The following FBXO11 variants were observed in gnomAD, a reference collection of about 807,000 sequenced individuals.
FBXO11 encodes F-box protein 11, also known as F-box only protein 11.
A neutral mutation model predicts 117.0 loss-of-function variants in FBXO11; 13 were observed. The observed-to-expected ratio is 0.11, with a 90% CI of 0.07 to 0.18. The LOEUF is 0.18. Among genes scored for constraint, FBXO11 ranks in the 10% least tolerant of loss-of-function variants. FBXO11 has a pLI of 1.00. For missense variants in FBXO11, 767 were observed against 1,164.4 expected (o/e 0.66, Z 4.97); for synonymous variants, 490 against 380.5 (o/e 1.29, Z -3.35).
At chr2:47,810,465 A>AT (rs1337650676) in intron 18 of FBXO11, 39 bp from the exon 19 acceptor site, 1 of 1,279,464 alleles carries the variant, frequency 7.8e-7, no homozygotes, top group Non-Finnish European at 1.1e-6. Context: ...GCTAATGCAT[A>AT]TAACAGACTA....
Position 47,832,888 on chromosome 2 carries a change from G to A in FBXO11, c.1042-8C>T. On this transcript the variant is annotated splice_polypyrimidine_tract_variant and splice_region_variant and intron_variant, in intron 8 of 22. Transcript: ENST00000403359. Reference sequence around the variant, plus strand: ...TTTGTCATCAGGGTTAAACTGAAAAGTAAAAATTTTGTTTGAAATAAACAA... The same window carrying A: ...TTTGTCATCAGGGTTAAACTGAAAAATAAAAATTTTGTTTGAAATAAACAA... The A allele has an allele frequency of 1.9e-6, 3 of 1,612,572 alleles. No individual in the cohort carries two copies. The African/African-American group carries it at 4.0e-5, about 21-fold the overall frequency.
intron 1 of FBXO11, among the ~76,000 whole-genome samples, chr2:47,843,771 T>A (rs957039339): frequency 7.9e-5 from 12 of 152,042 alleles, no homozygotes; most frequent in Non-Finnish European, 5.9e-5. Context: ...AGATGAGTCT[T>A]GCTCTGTTGC....
At chr2:47,808,887 G>C in intron 21 of FBXO11, 1 of 319,606 alleles carries the variant, frequency 3.1e-6, no homozygotes, top group East Asian at 5.9e-5. Flanking sequence ...TGTAGAGACA[G>C]GGTCTCCCTA....
At chr2:47,844,394 G>C (rs1411935925) in intron 1 of FBXO11, among the ~76,000 whole-genome samples, 1 of 152,054 alleles carries the variant, frequency 6.6e-6, no homozygotes, top group East Asian at 1.9e-4. Context: ...CACATGCCTG[G>C]GTCTTTGTTT....
intron 1 of FBXO11, among the ~76,000 whole-genome samples, chr2:47,866,100 T>C (rs189221478): frequency 3.3e-5 from 5 of 150,998 alleles, no homozygotes; most frequent in Middle Eastern, 6.8e-3. Flanking sequence ...CGAAAAAAAA[T>C]TGGCTGGGCA....
intron 5 of FBXO11, among the ~76,000 whole-genome samples, chr2:47,835,545 C>A (rs769006896): frequency 2.6e-5 from 4 of 152,102 alleles, no homozygotes; most frequent in Non-Finnish European, 5.9e-5. Context: ...GTCGCCCAGG[C>A]TGGAGTGCAG....
intron 11 of FBXO11, among the ~76,000 whole-genome samples, chr2:47,823,849 A>ATT (rs565340406): frequency 1.4e-5 from 2 of 147,570 alleles, no homozygotes; most frequent in Admixed American, 6.8e-5. Flanking sequence ...AAATGTTTTA[A>ATT]TTTTTTTTTT....
chr2:47,807,292 A>C lies in FBXO11; in HGVS notation c.*826T>G, dbSNP rs1670282426. ...AGACTTTCTAAAGTGTACTTAAAACATAGTAGTTTTTTACCTTTCACAAAA... is the reference window on the plus strand; with the variant it reads ...AGACTTTCTAAAGTGTACTTAAAACCTAGTAGTTTTTTACCTTTCACAAAA... On this transcript the variant is annotated 3_prime_UTR_variant, in exon 23 of 23. Coordinates refer to ENST00000403359, the MANE Select transcript of FBXO11 (RefSeq NM_001190274.2). The C allele has an allele frequency of 9.1e-6, 2 of 218,608 alleles. No homozygotes were observed. The highest frequency in any genetic ancestry group is 1.1e-4 in the Admixed American group (2 of 17,672). 13.5% of individuals were successfully genotyped at this position (218,608 alleles called of 1,614,324 possible).
At chr2:47,870,881 G>A (rs913155406) in intron 1 of FBXO11, among the ~76,000 whole-genome samples, 2 of 152,102 alleles carry the variant, frequency 1.3e-5, no homozygotes, top group Admixed American at 6.5e-5. Context: ...ATCCCTTTAT[G>A]AAACTCTTAC....
At chr2:47,812,456 T>C (rs142599366) in intron 18 of FBXO11, among the ~76,000 whole-genome samples, 35 of 152,328 alleles carry the variant, frequency 2.3e-4, no homozygotes, top group African/African-American at 8.4e-4. Flanking sequence ...AAATAAACCA[T>C]TCTGTATTGT....
chr2:47,836,983 C>A, intron 4 of FBXO11: 1 of 359,378 alleles, frequency 2.8e-6, no homozygotes, highest in Non-Finnish European at 5.4e-6. Flanking sequence ...AGTAATCTGC[C>A]CACTTCAGCC....
chr2:47,838,525 T>C (rs111840935), intron 4 of FBXO11, among the ~76,000 whole-genome samples: 4 of 150,968 alleles, frequency 2.6e-5, no homozygotes, highest in African/African-American at 9.9e-5. Flanking sequence ...AAAAGTGATA[T>C]ATAAAACCTA....
chr2:47,874,933 T>C (rs961236674), intron 1 of FBXO11, among the ~76,000 whole-genome samples: 4 of 151,936 alleles, frequency 2.6e-5, no homozygotes, highest in Non-Finnish European at 2.9e-5. Context: ...AATATTCCTG[T>C]TGAATGACTA....
chr2:47,890,882 A>G (rs953688873), intron 1 of FBXO11, among the ~76,000 whole-genome samples: 5 of 152,076 alleles, frequency 3.3e-5, no homozygotes, highest in Non-Finnish European at 5.9e-5. Flanking sequence ...CAGTGGTGCA[A>G]TCATAGCTCA....
At chr2:47,857,646 T>G (rs993745134) in intron 1 of FBXO11, among the ~76,000 whole-genome samples, 6 of 152,022 alleles carry the variant, frequency 3.9e-5, no homozygotes, top group African/African-American at 1.5e-4. Flanking sequence ...CCATGAAACA[T>G]GAAAAACTAC....
At chr2:47,836,972 A>C (rs1026207837) in intron 4 of FBXO11, 3 of 387,112 alleles carry the variant, frequency 7.7e-6, no homozygotes, top group African/African-American at 2.2e-5. Context: ...TCCTGGGCTC[A>C]AGTAATCTGC....
intron 4 of FBXO11, among the ~76,000 whole-genome samples, chr2:47,838,393 T>C (rs373273547): frequency 6.0e-4 from 90 of 149,442 alleles, no homozygotes; most frequent in African/African-American, 2.1e-3. Context: ...TTACGAAAAA[T>C]CTGTACATAA....
chr2:47,905,799 G>C lies in FBXO11; in HGVS notation c.-79C>G. The C allele has an allele frequency of 2.1e-6, 3 of 1,419,930 alleles. No homozygotes were observed. The highest frequency in any genetic ancestry group is 2.8e-6 in the Non-Finnish European group (3 of 1,065,928). 88.0% of individuals were successfully genotyped at this position (1,419,930 alleles called of 1,614,324 possible). ...AGCGAGCTTCGGGGCAGGAGAAAGG[G>C]GTGGGGAGAGTGGGAGAGGGGGGAG... On this transcript the variant is annotated 5_prime_UTR_variant, in exon 1 of 23. Transcript: ENST00000403359.
intron 1 of FBXO11, among the ~76,000 whole-genome samples, chr2:47,894,782 A>G (rs962820572): frequency 6.6e-6 from 1 of 152,212 alleles, no homozygotes; most frequent in African/African-American, 2.4e-5. Context: ...AAAAAATTTT[A>G]GCACAAAAAC....
Sources: allele counts gnomAD v4.1 joint callset (sites outside exome capture counted in the v4.1 genomes callset), GRCh38; gene constraint gnomAD v4.1.1; transcripts MANE v1.5; gene names NCBI Gene and HGNC (gene_info 2026-07-23, HGNC 2026-07-21).